The following ABHD10 variants were observed in gnomAD, a reference collection of about 807,000 sequenced individuals.
ABHD10 encodes the protein palmitoyl-protein thioesterase ABHD10, mitochondrial.
A neutral mutation model predicts 33.1 loss-of-function variants in ABHD10; 22 were observed. That is an observed-to-expected ratio of 0.66 (90% CI 0.47 to 0.95). The LOEUF (loss-of-function observed/expected upper bound fraction) is 0.95, where lower values mean the gene tolerates loss of function less well. Among genes scored for constraint, ABHD10 ranks in the 40% least tolerant of loss-of-function variants. ABHD10 has a pLI of 0.00. For missense variants in ABHD10, 352 were observed against 379.9 expected (o/e 0.93, Z 0.61); for synonymous variants, 146 against 133.9 (o/e 1.09, Z -0.62).
rs2072753799 is a variant in ABHD10, at chr3:111,992,461, A to G, written c.*740A>G. The G allele has an allele frequency of 6.6e-6, 1 of 151,916 alleles. No homozygotes were observed. Among genetic ancestry groups the G allele is most frequent in the African/African-American group, 2.4e-5 (1 of 41,408 alleles). The allele number at this position is 151,916 out of a possible 1,614,324, so 9.4% of individuals were successfully genotyped here. A position where few individuals can be genotyped will look rare whatever the true frequency, so the allele number is the denominator to read the frequency against. Reference sequence around the variant, plus strand: ...TTAATCTTTATATATTATTTCTTGCAGAAACATTCATTATTTTATTAATAT... The same window carrying G: ...TTAATCTTTATATATTATTTCTTGCGGAAACATTCATTATTTTATTAATAT... On this transcript the variant is annotated 3_prime_UTR_variant, in exon 5 of 5. Coordinates refer to ENST00000273359, the MANE Select transcript of ABHD10 (RefSeq NM_018394.4).
At chr3:111,983,285 C>T (rs2107710245) in intron 2 of ABHD10, among the ~76,000 whole-genome samples, 1 of 152,188 alleles carries the variant, frequency 6.6e-6, no homozygotes, top group East Asian at 1.9e-4. Context: ...CTGTCCTGAG[C>T]AGAAGATCAT....
At chr3:111,990,672 C>G in intron 4 of ABHD10, 2 of 1,226,688 alleles carry the variant, frequency 1.6e-6, no homozygotes, top group Non-Finnish European at 2.2e-6. Context: ...TCATCCAGAA[C>G]AAAAATCAAA....
chr3:111,991,611 G>A lies in ABHD10; in HGVS notation c.811G>A (p.Val271Ile). 2 of 1,614,074 alleles carry A rather than the reference G, an allele frequency of 1.2e-6. No homozygotes were observed. The highest frequency in any genetic ancestry group is 1.1e-5 in the South Asian group (1 of 91,068). Residue 271 changes from valine to isoleucine, a missense_variant, in exon 5 of 5, where the codon GTC becomes ATC. Val to Ile is a conservative substitution (Grantham distance 29, BLOSUM62 3). Transcript: ENST00000273359. The stretch of plus-strand genomic sequence containing the variant: ...TCGAGTACTCAGCACAGATGTGGAT[G>A]TCATCCTCCGAAAACACAGTGATCA... ...ADRVLSTDVD[V>I]ILRKHSDHRM...
rs377706343 is a variant in ABHD10, at chr3:111,991,740, T to C, written c.*19T>C. 3.0e-5 allele frequency: 47 copies of C among 1,558,754 alleles called. No individual in the cohort carries two copies. In the African/African-American group the frequency reaches 6.1e-4, roughly 20 times the overall value. On this transcript the variant is annotated 3_prime_UTR_variant, in exon 5 of 5. Coordinates refer to ENST00000273359, the MANE Select transcript of ABHD10 (RefSeq NM_018394.4). Reference sequence around the variant, plus strand: ...TAACTAGTATCACATGTTTAGTTGGTATGTAAACTAATGTATCCAGAAGAT... The same window carrying C: ...TAACTAGTATCACATGTTTAGTTGGCATGTAAACTAATGTATCCAGAAGAT...
intron 2 of ABHD10, 29 bp downstream of exon 2, chr3:111,981,996 T>C (rs763378406): frequency 4.1e-5 from 59 of 1,440,512 alleles, no homozygotes; most frequent in Non-Finnish European, 5.1e-5. Context: ...TGAGAAAATA[T>C]TGCTACTGTT....
At chr3:111,987,809 T>C (rs920703854) in intron 4 of ABHD10, among the ~76,000 whole-genome samples, 2 of 152,212 alleles carry the variant, frequency 1.3e-5, no homozygotes, top group South Asian at 4.1e-4. Context: ...GTCTTTGTTT[T>C]AGCCTAAAAG....
chr3:111,988,664 A>C (rs1228942565), intron 4 of ABHD10, among the ~76,000 whole-genome samples: 1 of 152,038 alleles, frequency 6.6e-6, no homozygotes, highest in Non-Finnish European at 1.5e-5. Context: ...GTCATTGCTT[A>C]CTGCAGCCTT....
In ABHD10 at chr3:111,986,976, G is replaced by A. The variant is rs2072675678; in HGVS notation, c.501G>A (p.Glu167=). Reference sequence around the variant, plus strand: ...TTCATGCTGCAATTGCACGACCAGAGAAGGTCGTGGCTCTTATTGGTGTAG... The same window carrying A: ...TTCATGCTGCAATTGCACGACCAGAAAAGGTCGTGGCTCTTATTGGTGTAG... ...LMLHAAIARP[E]KVVALIGVAT... is the part of the protein sequence containing the mutation. Residue 167 remains glutamate (E), a synonymous_variant, in exon 4 of 5, where the codon GAG becomes GAA. Transcript: ENST00000273359. 6.2e-7 allele frequency: 1 copy of A among 1,612,464 alleles called. No homozygotes were observed. The highest frequency in any genetic ancestry group is 1.3e-5 in the African/African-American group (1 of 74,866).
rs189436118 is a variant in ABHD10, at chr3:111,981,348, G to T, written c.143-436G>T. On this transcript the variant is annotated intron_variant, in intron 1 of 4. Transcript: ENST00000273359. ...AAAAAAAAAAAGAAAGAAAATAAGG[G>T]ATGTGAAACTTGTCAAACAAAAAAT... 3.4e-4 allele frequency among the ~76,000 whole-genome samples: 51 copies of T among 151,076 alleles called. No homozygotes were observed. The East Asian group carries it at 9.7e-3, about 29-fold the overall frequency.
In ABHD10 at chr3:111,981,770, T is replaced by G; in HGVS notation, c.143-14T>G. On this transcript the variant is annotated splice_polypyrimidine_tract_variant and intron_variant, in intron 1 of 4. Transcript: ENST00000273359. ...TTTACAAACCATAGTTTACTTTTTG[T>G]GTACTTTGTTTAGCTTGTAGACAAA... 2.0e-6 allele frequency: 3 copies of G among 1,518,688 alleles called. No homozygotes were observed. Among genetic ancestry groups the G allele is most frequent in the Middle Eastern group, 1.8e-4 (1 of 5,676 alleles). The allele number at this position is 1,518,688 out of a possible 1,614,324, so 94.1% of individuals were successfully genotyped here.
At chr3:111,988,761 T>C (rs1318623670) in intron 4 of ABHD10, among the ~76,000 whole-genome samples, 1 of 152,082 alleles carries the variant, frequency 6.6e-6, no homozygotes, top group African/African-American at 2.4e-5. Flanking sequence ...GGCTGATTTT[T>C]GTATTTTTTG....
chr3:111,986,875 A>G (rs1273686206), intron 3 of ABHD10, 39 bp from the exon 4 acceptor site: 10 of 1,513,186 alleles, frequency 6.6e-6, no homozygotes, highest in East Asian at 4.7e-5. Flanking sequence ...AACCTGTTCT[A>G]TCTTAAAGAC....
intron 4 of ABHD10, chr3:111,990,780 A>G (rs2107714076): frequency 1.7e-6 from 2 of 1,178,682 alleles, no homozygotes; most frequent in South Asian, 2.2e-5. Context: ...CAATGTAATT[A>G]CTCTTATTTT....
chr3:111,991,332 G>A (rs2072736326), intron 4 of ABHD10, 45 bp from the exon 5 acceptor site: 1 of 1,538,572 alleles, frequency 6.5e-7, no homozygotes, highest in East Asian at 2.3e-5. Flanking sequence ...TGTTAATGTT[G>A]CCTAAAGTCA....
At chr3:111,980,847 A>G (rs1272515462) in intron 1 of ABHD10, among the ~76,000 whole-genome samples, 1 of 152,202 alleles carries the variant, frequency 6.6e-6, no homozygotes, top group Non-Finnish European at 1.5e-5. Context: ...TCAGCTGACA[A>G]TAAAATTATG....
At chr3:111,986,157 T>C in intron 2 of ABHD10, 107 bp from the exon 3 acceptor site, 1 of 595,762 alleles carries the variant, frequency 1.7e-6, no homozygotes, top group Non-Finnish European at 2.9e-6. Context: ...TTGATTGTGA[T>C]GTTTCACTAT....
intron 2 of ABHD10, among the ~76,000 whole-genome samples, chr3:111,985,810 G>C (rs2072650242): frequency 1.3e-5 from 2 of 151,394 alleles, no homozygotes; most frequent in South Asian, 4.2e-4. Flanking sequence ...ATACAGTTGG[G>C]AGGGAGGGAG....
At chr3:111,983,663 G>A (rs1467876676) in intron 2 of ABHD10, among the ~76,000 whole-genome samples, 2 of 151,956 alleles carry the variant, frequency 1.3e-5, no homozygotes, top group African/African-American at 4.8e-5. Flanking sequence ...GTAAAATTTA[G>A]ATCTTCAATG....
chr3:111,984,365 A>AT (rs1417701547), intron 2 of ABHD10, among the ~76,000 whole-genome samples: 1 of 152,204 alleles, frequency 6.6e-6, no homozygotes, highest in Non-Finnish European at 1.5e-5. Context: ...AAAAAGGTTC[A>AT]TTTGAACTAG....
Sources: allele counts gnomAD v4.1 joint callset (sites outside exome capture counted in the v4.1 genomes callset), GRCh38; gene constraint gnomAD v4.1.1; transcripts MANE v1.5; gene names NCBI Gene and HGNC (gene_info 2026-07-23, HGNC 2026-07-21).